The following PLA2G5 variants were observed in gnomAD, a reference collection of about 807,000 sequenced individuals.
PLA2G5 encodes phospholipase A2 group V.
PLA2G5 carries 12 observed loss-of-function variants against 15.9 expected under a neutral mutation model. That is an observed-to-expected ratio of 0.76 (90% CI 0.48 to 1.23). PLA2G5 has a LOEUF of 1.23. Among genes scored for constraint, PLA2G5 ranks in the 50% most tolerant of loss-of-function variants. The pLI is 0.00. For synonymous variants in PLA2G5, 71 were observed against 71.4 expected, an observed-to-expected ratio of 0.99 and a Z score of 0.03; for missense variants, 169 against 177.1, an observed-to-expected ratio of 0.95 and a Z score of 0.26.
intron 1 of PLA2G5, among the ~76,000 whole-genome samples, chr1:20,082,183 C>T (rs555520325): frequency 2.6e-5 from 4 of 151,920 alleles, no homozygotes; most frequent in Non-Finnish European, 4.4e-5. Flanking sequence ...GCCAACCAGG[C>T]GACTTGAGAG....
At chr1:20,058,185 T>A (rs2014532486) in intron 1 of PLA2G5, among the ~76,000 whole-genome samples, 2 of 152,216 alleles carry the variant, frequency 1.3e-5, no homozygotes, top group Admixed American at 1.3e-4. Context: ...CCTTACTGAC[T>A]TTCTGCTTGC....
upstream of PLA2G5, among the ~76,000 whole-genome samples, chr1:20,065,456 T>G (rs1338848733): frequency 6.6e-6 from 1 of 152,214 alleles, no homozygotes; most frequent in East Asian, 1.9e-4. Flanking sequence ...TGGCAACCAC[T>G]GATCTTTCTA....
intron 1 of PLA2G5, among the ~76,000 whole-genome samples, chr1:20,044,373 G>GC (rs1348102890): frequency 6.6e-6 from 1 of 151,842 alleles, no homozygotes; most frequent in East Asian, 1.9e-4. Context: ...CTGTTGTGGG[G>GC]GGGGTTTGAG....
chr1:20,086,057 A>G, intron 2 of PLA2G5, 26 bp from the exon 3 acceptor site: 1 of 1,613,532 alleles, frequency 6.2e-7, no homozygotes, highest in South Asian at 1.1e-5. Flanking sequence ...CCTGGGTGTC[A>G]CCTGGGGACA....
At chr1:20,032,576 A>G (rs1239833383) in intron 1 of PLA2G5, among the ~76,000 whole-genome samples, 1 of 152,150 alleles carries the variant, frequency 6.6e-6, no homozygotes, top group Non-Finnish European at 1.5e-5. Flanking sequence ...AACATGCCTT[A>G]GTAATATCTT....
chr1:20,072,508 A>G (rs2015431259), intron 1 of PLA2G5, among the ~76,000 whole-genome samples: 1 of 152,178 alleles, frequency 6.6e-6, no homozygotes, highest in Non-Finnish European at 1.5e-5. Flanking sequence ...ACAGAGAAAG[A>G]GAGAGAGAGA....
chr1:20,045,098 T>C (rs1204303831), intron 1 of PLA2G5, among the ~76,000 whole-genome samples: 2 of 152,036 alleles, frequency 1.3e-5, no homozygotes, highest in African/African-American at 4.8e-5. Flanking sequence ...CATTGTTGAG[T>C]TTGTATTGGG....
Position 20,090,901 on chromosome 1 carries a change from T to A in PLA2G5, c.*209T>A. 1 of 511,650 alleles carries A rather than the reference T, an allele frequency of 2.0e-6. No individual in the cohort carries two copies. Among genetic ancestry groups the A allele is most frequent in the Non-Finnish European group, 3.5e-6 (1 of 287,220 alleles). The allele number at this position is 511,650 out of a possible 1,614,324, so 31.7% of individuals were successfully genotyped here. ...CATAGGACTTGGTAGGGTCCCAGGG[T>A]CCCTAGGCCTCCACTTCTGAGGGCA... On this transcript the variant is annotated 3_prime_UTR_variant, in exon 5 of 5. Transcript: ENST00000375108.
At chr1:20,042,798 T>C (rs1180064769) in intron 1 of PLA2G5, among the ~76,000 whole-genome samples, 1 of 152,094 alleles carries the variant, frequency 6.6e-6, no homozygotes. Context: ...AGACCACGTG[T>C]GTTTTTATTA....
At chr1:20,081,337 T>C (rs1239140907) in intron 1 of PLA2G5, among the ~76,000 whole-genome samples, 1 of 151,910 alleles carries the variant, frequency 6.6e-6, no homozygotes, top group African/African-American at 2.4e-5. Flanking sequence ...ACTGCTTTTT[T>C]ACTCTTTCCA....
In PLA2G5 at chr1:20,090,716, G is replaced by A. The variant is rs755995432; in HGVS notation, c.*24G>A. 2.5e-6 allele frequency: 4 copies of A among 1,613,148 alleles called. No individual in the cohort carries two copies. The highest frequency in any genetic ancestry group is 2.2e-5 in the East Asian group (1 of 44,880). On this transcript the variant is annotated 3_prime_UTR_variant, in exon 5 of 5. Transcript: ENST00000375108. ...AGGCCTCCCCAGCGAGCTCCTCCCA[G>A]ACCAAGACTTTTGTTCTGTTTTTCT...
At chr1:20,077,422 G>A (rs1161875811) in intron 1 of PLA2G5, among the ~76,000 whole-genome samples, 2 of 152,188 alleles carry the variant, frequency 1.3e-5, no homozygotes, top group African/African-American at 4.8e-5. Context: ...ACTGGGCAGT[G>A]GGGTGAGAAT....
At chr1:20,041,393 A>G (rs2013588029) in intron 1 of PLA2G5, among the ~76,000 whole-genome samples, 1 of 152,186 alleles carries the variant, frequency 6.6e-6, no homozygotes, top group Non-Finnish European at 1.5e-5. Flanking sequence ...AAAGGGAGAT[A>G]GGGGTGGGGC....
At chr1:20,079,162 T>G (rs924571461) in intron 1 of PLA2G5, among the ~76,000 whole-genome samples, 7 of 145,312 alleles carry the variant, frequency 4.8e-5, no homozygotes, top group Non-Finnish European at 7.6e-5. Flanking sequence ...AAAGTGTGTG[T>G]GGGGTGGTGG....
At chr1:20,084,087 G>C (rs1412309406) in intron 1 of PLA2G5, among the ~76,000 whole-genome samples, 1 of 151,142 alleles carries the variant, frequency 6.6e-6, no homozygotes, top group Non-Finnish European at 1.5e-5. Context: ...TGTGAATATA[G>C]ATATAAAGAT....
chr1:20,067,435 T>G (rs1170426965), upstream of PLA2G5, among the ~76,000 whole-genome samples: 1 of 151,484 alleles, frequency 6.6e-6, no homozygotes, highest in African/African-American at 2.4e-5. Context: ...CGCCTGTAAT[T>G]CCAGCACTTT....
rs1557760518 is a variant in PLA2G5, at chr1:20,091,523, G to C, written c.*831G>C. Among the ~76,000 whole-genome samples the C allele has an allele frequency of 6.6e-6, 1 of 152,158 alleles. No homozygotes were observed. Among genetic ancestry groups the C allele is most frequent in the African/African-American group, 2.4e-5 (1 of 41,422 alleles). On this transcript the variant is annotated 3_prime_UTR_variant, in exon 5 of 5. Transcript: ENST00000375108. ...CCTCTTTGACTTTCAGTCTCTTTGA[G>C]AAATAAACTGTCTTGTTCCTTGCAA...
At chr1:20,075,484 G>A (rs766971178) in intron 1 of PLA2G5, among the ~76,000 whole-genome samples, 11 of 152,280 alleles carry the variant, frequency 7.2e-5, no homozygotes, top group Admixed American at 3.3e-4. Flanking sequence ...CATGAGACAG[G>A]TACAATTATT....
intron 1 of PLA2G5, among the ~76,000 whole-genome samples, chr1:20,031,715 T>C (rs2012955270): frequency 6.6e-6 from 1 of 152,054 alleles, no homozygotes; most frequent in Admixed American, 6.6e-5. Flanking sequence ...CTCTTTTTAG[T>C]TTGGAATGGT....
Sources: gnomAD v4.1 joint callset for allele counts (sites outside exome capture counted in the v4.1 genomes callset) on GRCh38, gnomAD v4.1.1 for gene constraint, MANE v1.5 for transcripts, NCBI Gene and HGNC (gene_info 2026-07-23, HGNC 2026-07-21) for gene names.